Variants in PPP6R3 observed in about 807,000 individuals in gnomAD.
PPP6R3 encodes protein phosphatase 6 regulatory subunit 3.
In PPP6R3, 38 loss-of-function variants were observed where a neutral mutation model predicts 110.7. The observed-to-expected ratio is 0.34, with a 90% CI of 0.26 to 0.45. The LOEUF is 0.45. Among genes scored for constraint, PPP6R3 ranks in the 20% least tolerant of loss-of-function variants. PPP6R3 has a pLI of 1.00. For missense variants in PPP6R3, 870 were observed against 1,062.4 expected (o/e 0.82, Z 2.52); for synonymous variants, 369 against 373.5 (o/e 0.99, Z 0.14).
chr11:68,542,787 C>T (rs1236292677), intron 3 of PPP6R3, among the ~76,000 whole-genome samples: 1 of 152,210 alleles, frequency 6.6e-6, no homozygotes, highest in Admixed American at 6.5e-5. Context: ...TAATGGCTAA[C>T]ATTATGCATG....
In PPP6R3 at chr11:68,576,037, A is replaced by G. The variant is rs755390389; in HGVS notation, c.1539A>G (p.Val513=). The change falls in exon 14 of 24, where the codon GTA becomes GTG. Residue 513 remains valine, a synonymous_variant. Transcript: ENST00000393800. ...GAGAAACTAACAAGAGGAACACGGT[A>G]GATCTAGTAGGTTTTACAAGGTTAC... ...SLGETNKRNT[V]DLVTTCHIHS... is the part of the protein sequence containing the mutation. 1.0e-5 allele frequency: 16 copies of G among 1,600,056 alleles called. No individual in the cohort carries two copies. In the South Asian group the frequency reaches 1.8e-4, roughly 18 times the overall value.
At chr11:68,582,453 G>A (rs1327673518) in intron 14 of PPP6R3, among the ~76,000 whole-genome samples, 1 of 152,160 alleles carries the variant, frequency 6.6e-6, no homozygotes, top group African/African-American at 2.4e-5. Context: ...GTAAGTTCTG[G>A]GGGCAGGGTG....
intron 8 of PPP6R3, among the ~76,000 whole-genome samples, chr11:68,558,936 A>G (rs1450545057): frequency 6.6e-6 from 1 of 152,248 alleles, no homozygotes; most frequent in Non-Finnish European, 1.5e-5. Flanking sequence ...GGTAGTTAGG[A>G]AAATGCTTAC....
rs765264234 is a variant in PPP6R3, at chr11:68,610,034, G to C, written c.2570+11G>C. The C allele has an allele frequency of 1.2e-6, 2 of 1,612,418 alleles. No homozygotes were observed. Among genetic ancestry groups the C allele is most frequent in the Admixed American group, 1.7e-5 (1 of 59,958 alleles). ...CAGTCCCGAGCAGAGGTAACCACCC[G>C]CCTCCTCAAACCCACCCAGGCCCTG... On this transcript the variant is annotated intron_variant, in intron 23 of 23. Coordinates refer to ENST00000393800, the MANE Select transcript of PPP6R3 (RefSeq NM_001164161.2).
chr11:68,479,501 G>T (rs111896404), intron 1 of PPP6R3, among the ~76,000 whole-genome samples: 1,560 of 152,252 alleles, frequency 0.01, 12 homozygotes, highest in African/African-American at 0.012. Flanking sequence ...CTAATACCCA[G>T]TTCTGGCTCG....
chr11:68,530,332 A>G (rs1265352839), intron 2 of PPP6R3, among the ~76,000 whole-genome samples: 1 of 152,078 alleles, frequency 6.6e-6, no homozygotes, highest in Non-Finnish European at 1.5e-5. Context: ...GTCTTTGTAT[A>G]AGATTGTGTG....
intron 15 of PPP6R3, 111 bp downstream of exon 15, chr11:68,583,240 T>TTACTTATTAGTTAGTTAGAC: frequency 1.2e-6 from 1 of 828,088 alleles, no homozygotes; most frequent in Non-Finnish European, 1.8e-6. Context: ...TGATTTGGGG[T>TTACTTATTAGTTAGTTAGAC]TACTTATTAG....
chr11:68,603,250 A>T, intron 21 of PPP6R3, 92 bp from the exon 22 acceptor site: 1 of 1,487,930 alleles, frequency 6.7e-7, no homozygotes, highest in East Asian at 2.3e-5. Flanking sequence ...CAAGCAGTAG[A>T]TGTCACGTTG....
intron 16 of PPP6R3, among the ~76,000 whole-genome samples, chr11:68,588,963 T>C (rs986272594): frequency 2.0e-5 from 3 of 151,908 alleles, no homozygotes; most frequent in African/African-American, 7.3e-5. Flanking sequence ...TCCCAGCACT[T>C]TGGGAGGCCG....
At chr11:68,602,282 G>A (rs115794400) in intron 21 of PPP6R3, among the ~76,000 whole-genome samples, 3,121 of 152,316 alleles carry the variant, frequency 0.02, 113 homozygotes, top group African/African-American at 0.071. Flanking sequence ...AGCCAAGCCT[G>A]TGTGTAGTTG....
At chr11:68,551,266 AT>A in intron 6 of PPP6R3, 80 bp downstream of exon 6, 1 of 1,049,014 alleles carries the variant, frequency 9.5e-7, no homozygotes, top group Non-Finnish European at 1.4e-6. Context: ...GCATACTTAT[AT>A]TAAATGTGAA....
chr11:68,611,928 T>A (rs1157305609), intron 23 of PPP6R3, among the ~76,000 whole-genome samples: 1 of 152,216 alleles, frequency 6.6e-6, no homozygotes, highest in Non-Finnish European at 1.5e-5. Flanking sequence ...CACTTAAAGA[T>A]CTGCATTGCC....
intron 1 of PPP6R3, among the ~76,000 whole-genome samples, chr11:68,466,059 C>G (rs932276026): frequency 1.3e-5 from 2 of 152,156 alleles, no homozygotes; most frequent in African/African-American, 4.8e-5. Flanking sequence ...GTTCCAGACC[C>G]GTCCGAAGCT....
chr11:68,504,974 A>G (rs544359172), intron 1 of PPP6R3, among the ~76,000 whole-genome samples: 1 of 152,180 alleles, frequency 6.6e-6, no homozygotes, highest in African/African-American at 2.4e-5. Flanking sequence ...GTTTCAATTT[A>G]CTTCATTTCT....
At chr11:68,517,824 G>A (rs1012787069) in intron 1 of PPP6R3, among the ~76,000 whole-genome samples, 2 of 152,066 alleles carry the variant, frequency 1.3e-5, no homozygotes, top group African/African-American at 4.8e-5. Context: ...TCTAATCCCA[G>A]CTACTCAGGA....
intron 1 of PPP6R3, among the ~76,000 whole-genome samples, 160 bp from the exon 2 acceptor site, chr11:68,519,341 T>A (rs747949398): frequency 1.1e-4 from 17 of 152,248 alleles, no homozygotes; most frequent in Non-Finnish European, 1.9e-4. Context: ...TTTTTTCTTA[T>A]GTTCATATAG....
In PPP6R3 at chr11:68,613,389, AC is replaced by A; in HGVS notation, c.*275del. On this transcript the variant is annotated 3_prime_UTR_variant, in exon 24 of 24. Transcript: ENST00000393800. ...GTAGCCTGTGAAATAAGATCTTGCC[AC>A]CCATGTAATAATAGTAGTAATACTA... is the stretch of plus-strand genomic sequence containing the variant. 1 of 1,169,348 alleles carries A rather than the reference AC, an allele frequency of 8.6e-7. No individual in the cohort carries two copies. Among genetic ancestry groups the A allele is most frequent in the Non-Finnish European group, 1.1e-6 (1 of 947,298 alleles). 72.4% of individuals were successfully genotyped at this position (1,169,348 alleles called of 1,614,324 possible). A position where few individuals can be genotyped will look rare whatever the true frequency, so the allele number is the denominator to read the frequency against.
intron 3 of PPP6R3, among the ~76,000 whole-genome samples, chr11:68,543,793 G>C (rs1202018135): frequency 6.6e-6 from 1 of 152,172 alleles, no homozygotes; most frequent in Non-Finnish European, 1.5e-5. Flanking sequence ...AGTATCGTCT[G>C]GATAGGCTCA....
At chr11:68,581,225 G>C (rs1223382817) in intron 14 of PPP6R3, among the ~76,000 whole-genome samples, 1 of 152,146 alleles carries the variant, frequency 6.6e-6, no homozygotes, top group Non-Finnish European at 1.5e-5. Context: ...TTTGGAGAAA[G>C]CTTTTTTAAA....
Sources: gnomAD v4.1 joint callset for allele counts (sites outside exome capture counted in the v4.1 genomes callset) on GRCh38, gnomAD v4.1.1 for gene constraint, MANE v1.5 for transcripts, NCBI Gene and HGNC (gene_info 2026-07-23, HGNC 2026-07-21) for gene names.